Variants in CLSTN2 observed in about 807,000 individuals in gnomAD.
CLSTN2 encodes the protein calsyntenin 2.
In CLSTN2, 48 loss-of-function variants were observed where a neutral mutation model predicts 101.2. The ratio of observed to expected loss-of-function variants is 0.47; its 90% CI spans 0.38 to 0.60. The LOEUF (loss-of-function observed/expected upper bound fraction) is 0.60. Ranked by LOEUF, CLSTN2 falls within the 20% of genes least tolerant of loss-of-function variation. The probability of loss-of-function intolerance (pLI) is 0.00; values close to 1 mark genes in which losing one functional copy is unlikely to be tolerated. For synonymous variants in CLSTN2, 481 were observed against 463.6 expected, an observed-to-expected ratio of 1.04 and a Z score of -0.48; for missense variants, 1,160 against 1,238.2, an observed-to-expected ratio of 0.94 and a Z score of 0.95.
chr3:140,188,853 T>C (rs865981387), intron 2 of CLSTN2, among the ~76,000 whole-genome samples: 6 of 152,234 alleles, frequency 3.9e-5, no homozygotes, highest in African/African-American at 9.6e-5. Context: ...AAAATATCGA[T>C]ATTACTACAG....
At chr3:140,457,040 G>T (rs916283513) in intron 6 of CLSTN2, among the ~76,000 whole-genome samples, 1 of 152,144 alleles carries the variant, frequency 6.6e-6, no homozygotes, top group Non-Finnish European at 1.5e-5. Flanking sequence ...ATTGAAGTGT[G>T]AATTCTATAG....
At chr3:139,956,540 G>A (rs539704300) in intron 1 of CLSTN2, among the ~76,000 whole-genome samples, 4 of 152,230 alleles carry the variant, frequency 2.6e-5, no homozygotes, top group East Asian at 1.9e-4. Context: ...TGAAAGTATT[G>A]GTTTTGAAAT....
intron 1 of CLSTN2, among the ~76,000 whole-genome samples, chr3:140,150,264 G>A (rs983428449): frequency 2.0e-5 from 3 of 152,194 alleles, no homozygotes; most frequent in Non-Finnish European, 2.9e-5. Context: ...GTTGCACAGT[G>A]ATAGAAGCAT....
At chr3:140,108,551 T>G (rs1038674998) in intron 1 of CLSTN2, among the ~76,000 whole-genome samples, 1 of 151,412 alleles carries the variant, frequency 6.6e-6, no homozygotes, top group Non-Finnish European at 1.5e-5. Flanking sequence ...TTTGTTTTTG[T>G]TTTTTGTGTT....
chr3:140,423,617 A>G (rs1038314055), intron 5 of CLSTN2, among the ~76,000 whole-genome samples: 4 of 152,128 alleles, frequency 2.6e-5, no homozygotes, highest in African/African-American at 9.7e-5. Flanking sequence ...CAAAGAGCCT[A>G]ATCAATCCTT....
chr3:139,957,762 G>A (rs1262999096), intron 1 of CLSTN2, among the ~76,000 whole-genome samples: 1 of 152,196 alleles, frequency 6.6e-6, no homozygotes, highest in Non-Finnish European at 1.5e-5. Context: ...CAGAGGACAT[G>A]TGCTAGTTTG....
chr3:140,268,936 G>C (rs759635540), intron 2 of CLSTN2, among the ~76,000 whole-genome samples: 49 of 152,156 alleles, frequency 3.2e-4, no homozygotes, highest in Non-Finnish European at 5.6e-4. Context: ...GTGGTGTTCT[G>C]GGCCCTGGAA....
chr3:140,077,956 G>A (rs561673836), intron 1 of CLSTN2, among the ~76,000 whole-genome samples: 1 of 152,300 alleles, frequency 6.6e-6, no homozygotes, highest in East Asian at 1.9e-4. Context: ...GGAAGTTGTA[G>A]GAACTGGAGA....
chr3:140,218,687 ACTTTCTCCTCAAGAAG>A (rs1416229816), intron 2 of CLSTN2, among the ~76,000 whole-genome samples: 1 of 152,244 alleles, frequency 6.6e-6, no homozygotes, highest in Non-Finnish European at 1.5e-5. Flanking sequence ...GCTCTCAGGA[ACTTTCTCCTCAAGAAG>A]CTTTCAAGAT....
Position 139,989,702 on chromosome 3 carries a change from G to A in CLSTN2, c.109+54219G>A, listed in dbSNP as rs1264639320. ...TGCACTGAGCCTTACTGTGTCTGTA[G>A]TGGTGTCAAATGGCAAGCACCTCTA... On this transcript the variant is annotated intron_variant, in intron 1 of 16. Transcript: ENST00000458420. Among the ~76,000 whole-genome samples the A allele has an allele frequency of 1.3e-5, 2 of 152,160 alleles. 1 individual carries two copies. Among genetic ancestry groups the A allele is most frequent in the African/African-American group, 4.8e-5 (2 of 41,434 alleles).
Position 140,556,566 on chromosome 3 carries a change from G to C in CLSTN2, c.1728G>C (p.Gly576=). The C allele has an allele frequency of 6.2e-7, 1 of 1,614,044 alleles. No individual in the cohort carries two copies. Among genetic ancestry groups the C allele is most frequent in the Non-Finnish European group, 8.5e-7 (1 of 1,179,972 alleles). Residue 576 remains glycine, a synonymous_variant, in exon 11 of 17, where the codon GGG becomes GGC. Coordinates refer to ENST00000458420, the MANE Select transcript of CLSTN2 (RefSeq NM_022131.3). ...SILVMEGDDI[G]NINRALQKVS... ...TGGTGATGGAAGGTGACGACATTGG[G>C]AACATTAACCGTGCTCTCCAGAAAG...
chr3:140,101,962 C>G (rs2008973484), intron 1 of CLSTN2, among the ~76,000 whole-genome samples: 1 of 152,174 alleles, frequency 6.6e-6, no homozygotes, highest in African/African-American at 2.4e-5. Flanking sequence ...GGAACATGAA[C>G]TCTCTCTTCC....
intron 1 of CLSTN2, among the ~76,000 whole-genome samples, chr3:139,957,676 A>G (rs1371451595): frequency 6.6e-6 from 1 of 152,144 alleles, no homozygotes; most frequent in Non-Finnish European, 1.5e-5. Context: ...GGGGGACTTT[A>G]CAGGGGTAAT....
chr3:140,378,342 A>G (rs2087942689), intron 2 of CLSTN2, among the ~76,000 whole-genome samples: 1 of 152,258 alleles, frequency 6.6e-6, no homozygotes, highest in African/African-American at 2.4e-5. Flanking sequence ...CTGCAAAGCC[A>G]TCTGGCTCTA....
At chr3:140,228,495 G>A (rs2086342615) in intron 2 of CLSTN2, among the ~76,000 whole-genome samples, 1 of 152,134 alleles carries the variant, frequency 6.6e-6, no homozygotes, top group South Asian at 2.1e-4. Context: ...TCTGAGCCCT[G>A]AAAACTGTTT....
At chr3:139,937,173 CG>C (rs1935037498) in intron 1 of CLSTN2, among the ~76,000 whole-genome samples, 1 of 151,968 alleles carries the variant, frequency 6.6e-6, no homozygotes. Context: ...TGTCTGCAAA[CG>C]GGAGTTTGAA....
intron 2 of CLSTN2, among the ~76,000 whole-genome samples, chr3:140,197,765 C>A (rs141584522): frequency 1.3e-5 from 2 of 152,182 alleles, no homozygotes; most frequent in African/African-American, 4.8e-5. Flanking sequence ...AATTATCTGG[C>A]TCAAAATGTC....
At chr3:140,452,966 CTTT>C (rs1415655503) in intron 6 of CLSTN2, among the ~76,000 whole-genome samples, 5 of 152,294 alleles carry the variant, frequency 3.3e-5, no homozygotes, top group Non-Finnish European at 4.4e-5. Context: ...AGGCACCAGG[CTTT>C]CCAGAGGTGC....
intron 1 of CLSTN2, among the ~76,000 whole-genome samples, chr3:140,000,657 C>T (rs1012458336): frequency 3.9e-5 from 6 of 152,076 alleles, no homozygotes; most frequent in Non-Finnish European, 8.8e-5. Flanking sequence ...GGATAATGGC[C>T]GTGGGAAGCC....
Sources: gnomAD v4.1 joint callset for allele counts (sites outside exome capture counted in the v4.1 genomes callset) on GRCh38, gnomAD v4.1.1 for gene constraint, MANE v1.5 for transcripts, NCBI Gene and HGNC (gene_info 2026-07-23, HGNC 2026-07-21) for gene names.